Variants in GTF2I observed in about 807,000 individuals in gnomAD.
GTF2I encodes the protein general transcription factor IIi.
A neutral mutation model predicts 67.6 loss-of-function variants in GTF2I; 12 were observed. The ratio of observed to expected loss-of-function variants is 0.18; its 90% CI spans 0.11 to 0.29. The LOEUF is 0.29. Ranked by LOEUF, GTF2I falls within the 10% of genes least tolerant of loss-of-function variation. The probability of loss-of-function intolerance (pLI) is 1.00; values close to 1 mark genes in which losing one functional copy is unlikely to be tolerated. For synonymous variants in GTF2I, 149 were observed against 197.0 expected, an observed-to-expected ratio of 0.76 and a Z score of 2.04; for missense variants, 271 against 580.1, an observed-to-expected ratio of 0.47 and a Z score of 5.47.
intron 1 of GTF2I, among the ~76,000 whole-genome samples, chr7:74,670,722 A>C (rs1166867781): frequency 1.3e-5 from 2 of 151,386 alleles, no homozygotes; most frequent in African/African-American, 4.8e-5. Flanking sequence ...AAAAAAAAAA[A>C]CACCTCAAGA....
chr7:74,678,016 G>A (rs1392926609), intron 1 of GTF2I, among the ~76,000 whole-genome samples: 3 of 151,856 alleles, frequency 2.0e-5, no homozygotes, highest in Non-Finnish European at 2.9e-5. Flanking sequence ...AGGTTTGGAC[G>A]GAAAATTTCT....
At chr7:74,718,799 G>T in intron 11 of GTF2I, 80 bp from the exon 12 acceptor site, 1 of 687,062 alleles carries the variant, frequency 1.5e-6, no homozygotes, top group South Asian at 1.9e-5. Flanking sequence ...TGCTTTTGGA[G>T]TATCAAATCA....
At chr7:74,725,053 T>A (rs587597814) in intron 12 of GTF2I, among the ~76,000 whole-genome samples, 2 of 152,226 alleles carry the variant, frequency 1.3e-5, no homozygotes, top group Non-Finnish European at 2.9e-5. Context: ...AAATGGTTGT[T>A]TATACTTTGG....
At chr7:74,704,292 A>ATTTATTTATTT (rs1412934217) in intron 6 of GTF2I, among the ~76,000 whole-genome samples, 6 of 149,260 alleles carry the variant, frequency 4.0e-5, no homozygotes, top group Non-Finnish European at 8.9e-5. Flanking sequence ...TTATTTATTT[A>ATTTATTTATTT]TTTTTTTATT....
In GTF2I at chr7:74,671,079, CTTTTTTTTTTTTT is replaced by C. The variant is rs869137920; in HGVS notation, c.-6+13024_-6+13036del. Among the ~76,000 whole-genome samples the C allele has an allele frequency of 2.4e-3, 149 of 61,824 alleles. 1 individual carries two copies. The East Asian group carries it at 0.029, about 12-fold the overall frequency. The allele number at this position is 61,824 out of a possible 152,430, so 40.6% of individuals were successfully genotyped here. On this transcript the variant is annotated intron_variant, in intron 1 of 34. Transcript: ENST00000573035. Reference sequence around the variant, plus strand: ...TTGTGATCCACTGATTGGGCAGATCCTTTTTTTTTTTTTTTTTTTTTTTTTGAGACAGAGTCTC... The same window carrying C: ...TTGTGATCCACTGATTGGGCAGATCCTTTTTTTTTTTTGAGACAGAGTCTC...
intron 1 of GTF2I, among the ~76,000 whole-genome samples, chr7:74,665,658 C>T (rs1241125736): frequency 6.6e-6 from 1 of 152,176 alleles, no homozygotes; most frequent in Non-Finnish European, 1.5e-5. Context: ...AGTAGACACT[C>T]AAGAAATATT....
chr7:74,719,834 C>T (rs377102552), intron 12 of GTF2I, among the ~76,000 whole-genome samples: 46 of 152,168 alleles, frequency 3.0e-4, no homozygotes, highest in East Asian at 1.5e-3. Flanking sequence ...GCAGGAGAAT[C>T]GCTTGAACCC....
intron 4 of GTF2I, 77 bp from the exon 5 acceptor site, chr7:74,700,170 G>A (rs1789541721): frequency 1.4e-6 from 2 of 1,464,456 alleles, no homozygotes; most frequent in Admixed American, 3.9e-5. Context: ...CCCTTATTAA[G>A]CCACAATAAG....
At chr7:74,660,657 C>G (rs781861905) in intron 1 of GTF2I, among the ~76,000 whole-genome samples, 21 of 122,570 alleles carry the variant, frequency 1.7e-4, no homozygotes, top group Non-Finnish European at 2.3e-4. Context: ...GTTTCGCTCT[C>G]GTTGCCCAGG....
intron 1 of GTF2I, among the ~76,000 whole-genome samples, chr7:74,680,386 G>T (rs13227433): frequency 0.79 from 119,390 of 151,354 alleles, 47,305 homozygotes; most frequent in East Asian, 0.94. Flanking sequence ...CAGTTTTTAT[G>T]AGGGTAATGA....
intron 2 of GTF2I, among the ~76,000 whole-genome samples, chr7:74,690,444 A>G (rs1554396696): frequency 6.6e-6 from 1 of 152,210 alleles, no homozygotes; most frequent in Non-Finnish European, 1.5e-5. Flanking sequence ...TGCCCACCTA[A>G]AAGTGATTCT....
At chr7:74,712,397 C>T (rs2131404116) in intron 9 of GTF2I, among the ~76,000 whole-genome samples, 1 of 151,726 alleles carries the variant, frequency 6.6e-6, no homozygotes, top group South Asian at 2.1e-4. Context: ...CCCCACTTTT[C>T]TCTCTATTCT....
chr7:74,718,917 C>A lies in GTF2I; in HGVS notation c.919C>A (p.Pro307Thr). The part of the protein sequence containing the change: ...QHVPSETSED[P>T]EVEVTIEDDD... ...TGTCCCTTCAGAAACAAGTGAGGAC[C>A]CTGAAGTTGAGGTGACTATTGAAGG... is the stretch of plus-strand genomic sequence containing the variant. Residue 307 changes from proline to threonine, a missense_variant, in exon 12 of 35, where the codon CCT (proline) becomes ACT (threonine). Physicochemically the swap from Pro to Thr is conservative, Grantham distance 38 (BLOSUM62 -1). Transcript: ENST00000573035. The A allele has an allele frequency of 6.4e-7, 1 of 1,570,418 alleles. No individual in the cohort carries two copies. Among genetic ancestry groups the A allele is most frequent in the Non-Finnish European group, 8.7e-7 (1 of 1,153,886 alleles).
Position 74,732,382 on chromosome 7 carries a change from A to G in GTF2I, c.1121-97A>G, listed in dbSNP as rs1243078433. On this transcript the variant is annotated intron_variant, in intron 14 of 34. Transcript: ENST00000573035. ...CAGCAAGACTCCATCTCAAAAAAATAAAAAAAAAGTTAAAGAGCACTACAG... is the reference window on the plus strand; with the variant it reads ...CAGCAAGACTCCATCTCAAAAAAATGAAAAAAAAGTTAAAGAGCACTACAG... The G allele has an allele frequency of 3.4e-5, 39 of 1,148,452 alleles. 1 individual carries two copies. The highest frequency in any genetic ancestry group is 8.1e-5 in the African/African-American group (5 of 61,644). 71.1% of individuals were successfully genotyped at this position (1,148,452 alleles called of 1,614,324 possible).
At chr7:74,666,137 C>G (rs1554388410) in intron 1 of GTF2I, among the ~76,000 whole-genome samples, 3 of 152,220 alleles carry the variant, frequency 2.0e-5, no homozygotes, top group African/African-American at 4.8e-5. Context: ...TCCACCGCGC[C>G]TGGCCAGAGC....
chr7:74,675,149 G>A (rs1250475180), intron 1 of GTF2I, among the ~76,000 whole-genome samples: 7 of 152,152 alleles, frequency 4.6e-5, no homozygotes, highest in South Asian at 2.1e-4. Context: ...CATCCATCCC[G>A]GCCTAATATA....
intron 8 of GTF2I, among the ~76,000 whole-genome samples, chr7:74,707,873 GTTT>G (rs797036120): frequency 2.4e-4 from 35 of 147,552 alleles, no homozygotes; most frequent in African/African-American, 8.4e-4. Context: ...ATCATTATAG[GTTT>G]TTTTTTTTCT....
chr7:74,703,559 T>C (rs1230014823), intron 6 of GTF2I, among the ~76,000 whole-genome samples: 1 of 152,156 alleles, frequency 6.6e-6, no homozygotes, highest in Non-Finnish European at 1.5e-5. Flanking sequence ...TTAGTATTTT[T>C]AGTGGATACG....
chr7:74,707,324 C>T (rs1220122677), intron 8 of GTF2I, among the ~76,000 whole-genome samples: 2 of 152,228 alleles, frequency 1.3e-5, no homozygotes, highest in African/African-American at 4.8e-5. Flanking sequence ...GCTGTCACCG[C>T]CCTGCCTGCC....
Sources: allele counts gnomAD v4.1 joint callset (sites outside exome capture counted in the v4.1 genomes callset), GRCh38; gene constraint gnomAD v4.1.1; transcripts MANE v1.5; gene names NCBI Gene and HGNC (gene_info 2026-07-23, HGNC 2026-07-21).